The following SYTL4 variants were observed in gnomAD, a reference collection of about 807,000 sequenced individuals.
The protein encoded by SYTL4 is synaptotagmin like 4.
In SYTL4, 16 loss-of-function variants were observed where a neutral mutation model predicts 52.7. That is an observed-to-expected ratio of 0.30 (90% confidence interval 0.21 to 0.46). SYTL4 has a LOEUF of 0.46. Among genes scored for constraint, SYTL4 ranks in the 20% least tolerant of loss-of-function variants. SYTL4 has a pLI of 1.00. For synonymous variants in SYTL4, 160 were observed against 186.6 expected (o/e 0.86, Z 1.16); for missense variants, 423 against 519.9 (o/e 0.81, Z 1.81).
At chrX:100,722,023 A>G (rs1456829657) in intron 2 of SYTL4, among the ~76,000 whole-genome samples, 2 of 109,901 alleles carry the variant, frequency 1.8e-5, no homozygotes, top group Non-Finnish European at 3.8e-5. Flanking sequence ...ACTGGTCTCG[A>G]GCTCCTAACC....
rs2083263956 is a variant in SYTL4, at chrX:100,675,736, T to C, written c.*292A>G. ...CTGTTTTTAAGTTAAGTGAACCTTA[T>C]AAAGACATAAGAAAAAATGGACTCT... On this transcript the variant is annotated 3_prime_UTR_variant, in exon 20 of 20. Coordinates refer to ENST00000372989, the MANE Select transcript of SYTL4 (RefSeq NM_001370165.1). The C allele has an allele frequency of 4.4e-6, 1 of 229,082 alleles. No individual in the cohort carries two copies. Among genetic ancestry groups the C allele is most frequent in the African/African-American group, 2.9e-5 (1 of 34,845 alleles). 18.9% of individuals were successfully genotyped at this position (229,082 alleles called of 1,213,427 possible). A position where few individuals can be genotyped will look rare whatever the true frequency, so the allele number is the denominator to read the frequency against.
intron 16 of SYTL4, among the ~76,000 whole-genome samples, chrX:100,682,661 C>T (rs908689910): frequency 8.1e-5 from 9 of 110,472 alleles, no homozygotes; most frequent in Admixed American, 3.9e-4. Flanking sequence ...GAGCCAAGAT[C>T]GCACCACCGC....
chrX:100,699,513 G>A (rs1399014446), intron 8 of SYTL4, among the ~76,000 whole-genome samples: 3 of 64,552 alleles, frequency 4.6e-5, no homozygotes, highest in Admixed American at 2.0e-4. Context: ...TTTTTGAGAC[G>A]GAGTCTCACT....
Position 100,676,063 on chromosome X carries a change from G to T in SYTL4, c.1981C>A (p.Arg661Ser). ...GSWAEGTLQL[R>S]SSMAKQKLGL The stretch of plus-strand genomic sequence containing the variant: ...AGCTTCTGCTTGGCCATTGAGGAAC[G>T]GAGCTGCAGAGTCCCTTCTGCCCAA... Residue 661 changes from arginine (R) to serine (S), a missense_variant, in exon 20 of 20, where the codon CGT becomes AGT. By Grantham distance (110) the Arg-to-Ser change is moderately radical. Coordinates refer to ENST00000372989, the MANE Select transcript of SYTL4 (RefSeq NM_001370165.1). 8.3e-7 allele frequency: 1 copy of T among 1,210,479 alleles called. No individual in the cohort carries two copies. Among genetic ancestry groups the T allele is most frequent in the Non-Finnish European group, 1.1e-6 (1 of 895,126 alleles).
chrX:100,719,918 AT>A (rs2084306539), intron 2 of SYTL4, among the ~76,000 whole-genome samples: 1 of 111,577 alleles, frequency 9.0e-6, no homozygotes, highest in South Asian at 3.7e-4. Context: ...CTATATATTC[AT>A]TTCTCCTGCA....
chrX:100,724,150 GT>G (rs1415340365), intron 2 of SYTL4, among the ~76,000 whole-genome samples: 2 of 77,582 alleles, frequency 2.6e-5, no homozygotes, highest in Non-Finnish European at 4.8e-5. Context: ...GGTGGGGGGG[GT>G]CAGCCCCCCA....
chrX:100,706,189 T>C (rs745361843), intron 2 of SYTL4, among the ~76,000 whole-genome samples: 10 of 112,159 alleles, frequency 8.9e-5, no homozygotes, highest in Non-Finnish European at 1.5e-4. Context: ...TGAACCCTCA[T>C]TGTCACCCAT....
At chrX:100,723,059 TAAAG>T (rs1478469969) in intron 2 of SYTL4, among the ~76,000 whole-genome samples, 4 of 111,192 alleles carry the variant, frequency 3.6e-5, no homozygotes, top group Non-Finnish European at 7.5e-5. Context: ...AAAAAAAAAT[TAAAG>T]AACATAAACA....
intron 2 of SYTL4, among the ~76,000 whole-genome samples, chrX:100,725,044 A>G (rs1276803108): frequency 9.0e-6 from 1 of 111,715 alleles, no homozygotes; most frequent in East Asian, 2.8e-4. Flanking sequence ...CTAGAAAGAA[A>G]TACAATCTTA....
Position 100,675,999 on chromosome X carries a change from G to A in SYTL4, c.*29C>T, listed in dbSNP as rs1049930392. On this transcript the variant is annotated 3_prime_UTR_variant, in exon 20 of 20. Transcript: ENST00000372989. ...CACTTCCTCTGACCTGCCCTCGCCA[G>A]GGCTGGACCTGCAGAAGAGGACAGG... 2 of 1,196,734 alleles carry A rather than the reference G, an allele frequency of 1.7e-6. No homozygotes were observed. The highest frequency in any genetic ancestry group is 4.5e-5 in the Admixed American group (2 of 44,492).
In SYTL4 at chrX:100,701,563, C is replaced by T. The variant is rs1375472413; in HGVS notation, c.221G>A (p.Ser74Asn). Residue 74 changes from serine to asparagine, a missense_variant, in exon 6 of 20, where the codon AGT becomes AAT. By Grantham distance (46) the Ser-to-Asn change is conservative. Coordinates refer to ENST00000372989, the MANE Select transcript of SYTL4 (RefSeq NM_001370165.1). Reference protein sequence around the residue: ...ARCQESLGRLSPKTNTCRGCN... With the variant: ...ARCQESLGRLNPKTNTCRGCN... ...ACCCCGACAAGTATTGGTTTTGGGACTCAAACGGCCCAGGCTCTCCTGGCA... is the reference window on the plus strand; with the variant it reads ...ACCCCGACAAGTATTGGTTTTGGGATTCAAACGGCCCAGGCTCTCCTGGCA... 3 of 1,211,553 alleles carry T rather than the reference C, an allele frequency of 2.5e-6. No homozygotes were observed. Among genetic ancestry groups the T allele is most frequent in the Non-Finnish European group, 3.4e-6 (3 of 895,415 alleles).
chrX:100,681,463 T>A (rs960637850), intron 16 of SYTL4, 128 bp from the exon 17 acceptor site: 13 of 484,107 alleles, frequency 2.7e-5, no homozygotes, highest in Non-Finnish European at 4.2e-5. Flanking sequence ...CTTCTTCATA[T>A]GAATATAATC....
At chrX:100,717,726 G>A (rs2084257532) in intron 2 of SYTL4, among the ~76,000 whole-genome samples, 1 of 112,168 alleles carries the variant, frequency 8.9e-6, no homozygotes, top group South Asian at 3.7e-4. Flanking sequence ...AAATCCAGGG[G>A]AAAGATAACA....
chrX:100,698,339 G>A (rs982629953), intron 8 of SYTL4, among the ~76,000 whole-genome samples: 3 of 111,329 alleles, frequency 2.7e-5, no homozygotes, highest in African/African-American at 6.5e-5. Flanking sequence ...TCCTGACCTT[G>A]TGATCCGCCC....
At position 100,700,910 on chromosome X, in the gene SYTL4, G is replaced by T. The variant is rs764998377; in HGVS notation, c.526C>A (p.Gln176Lys). 13 of 1,207,522 alleles carry T rather than the reference G, an allele frequency of 1.1e-5. No individual in the cohort carries two copies. Among genetic ancestry groups the T allele is most frequent in the Non-Finnish European group, 1.5e-5 (13 of 892,294 alleles). The change falls in exon 8 of 20, where the codon CAG (glutamine) becomes AAG (lysine). Residue 176 changes from glutamine to lysine, a missense_variant. Transcript: ENST00000372989. ...CTTGATTCTTACCTGGGCTCCTTCT[G>T]CCGCTCCTGAATGATCTTTCTTCCT... Reference protein sequence around the residue: ...WPGRKIIQERQKEPSVLFEVP... With the variant: ...WPGRKIIQERKKEPSVLFEVP...
chrX:100,724,299 G>A (rs1227932792), intron 2 of SYTL4, among the ~76,000 whole-genome samples: 1 of 104,305 alleles, frequency 9.6e-6, no homozygotes, highest in African/African-American at 3.6e-5. Flanking sequence ...GGTGAGGGGC[G>A]CCTCTGCCCG....
At position 100,676,181 on chromosome X, in the gene SYTL4, G is replaced by T; in HGVS notation, c.1868-5C>A. ...CCACTTCCCCATTACTGATCCCTGA[G>T]GAGAAACACCAGAAGAGGCTAAAGA... On this transcript the variant is annotated splice_region_variant and splice_polypyrimidine_tract_variant and intron_variant, in intron 19 of 19. Coordinates refer to ENST00000372989, the MANE Select transcript of SYTL4 (RefSeq NM_001370165.1). 8.3e-7 allele frequency: 1 copy of T among 1,211,141 alleles called. No individual in the cohort carries two copies.
intron 2 of SYTL4, among the ~76,000 whole-genome samples, chrX:100,730,861 T>A (rs1371920867): frequency 2.8e-5 from 3 of 106,962 alleles, no homozygotes; most frequent in African/African-American, 6.9e-5. Flanking sequence ...TTAAACATTG[T>A]TCCCACAGCG....
intron 2 of SYTL4, among the ~76,000 whole-genome samples, chrX:100,716,450 C>CAAAAAAAAAAAA (rs200368843): frequency 1.0e-3 from 26 of 25,771 alleles, no homozygotes; most frequent in Non-Finnish European, 1.4e-3. Flanking sequence ...AACTCCATCT[C>CAAAAAAAAAAAA]AAAAAAAAAA....
Sources: gnomAD v4.1 joint callset for allele counts (sites outside exome capture counted in the v4.1 genomes callset) on GRCh38, gnomAD v4.1.1 for gene constraint, MANE v1.5 for transcripts, NCBI Gene and HGNC (gene_info 2026-07-23, HGNC 2026-07-21) for gene names.